The following TBC1D19 variants were observed in gnomAD, a reference collection of about 807,000 sequenced individuals.
TBC1D19 encodes TBC1 domain family member 19.
A neutral mutation model predicts 89.0 loss-of-function variants in TBC1D19; 60 were observed. That is an observed-to-expected ratio of 0.67 (90% CI 0.55 to 0.84). TBC1D19 has a LOEUF of 0.84. Among genes scored for constraint, TBC1D19 ranks in the 40% least tolerant of loss-of-function variants. The pLI is 0.00. For missense variants in TBC1D19, 500 were observed against 610.8 expected (o/e 0.82, Z 1.91); for synonymous variants, 189 against 199.7 (o/e 0.95, Z 0.45).
the TBC1D19 span, among the ~76,000 whole-genome samples, chr4:26,791,153 C>T: frequency 1.6e-4 from 25 of 152,182 alleles, no homozygotes; most frequent in Admixed American, 1.6e-3. Context: ...TCACCAGTCT[C>T]TTCCCTGCTC....
At chr4:26,850,269 C>T in the TBC1D19 span, among the ~76,000 whole-genome samples, 1 of 151,906 alleles carries the variant, frequency 6.6e-6, no homozygotes, top group Non-Finnish European at 1.5e-5. Flanking sequence ...GAAATTTGGG[C>T]CCGGCGCGGT....
At chr4:26,580,088 G>A (rs372919211), upstream of TBC1D19, among the ~76,000 whole-genome samples, 22 of 152,192 alleles carry the variant, frequency 1.4e-4, no homozygotes, top group African/African-American at 3.4e-4. Flanking sequence ...GAGTCAACAC[G>A]GTCCCTGAGA....
chr4:26,852,145 TCA>T, the TBC1D19 span, among the ~76,000 whole-genome samples: 1 of 152,254 alleles, frequency 6.6e-6, no homozygotes, highest in Non-Finnish European at 1.5e-5. Context: ...CTTGCTCTTC[TCA>T]CAGTCTTCCA....
intron 18 of TBC1D19, among the ~76,000 whole-genome samples, chr4:26,743,041 T>C (rs1227180837): frequency 6.6e-6 from 1 of 152,148 alleles, no homozygotes; most frequent in African/African-American, 2.4e-5. Flanking sequence ...ATCAGGTACC[T>C]ATCAATGGTT....
chr4:26,618,697 C>A (rs555221797), intron 3 of TBC1D19, among the ~76,000 whole-genome samples: 39 of 152,308 alleles, frequency 2.6e-4, no homozygotes, highest in African/African-American at 9.4e-4. Context: ...GCTGGAGTTA[C>A]AATTACTGGT....
the TBC1D19 span, among the ~76,000 whole-genome samples, chr4:26,828,571 C>T: frequency 2.2e-3 from 337 of 152,356 alleles, 1 homozygote; most frequent in African/African-American, 7.9e-3. Flanking sequence ...AATCTATGCA[C>T]GTCCAAGTAT....
At chr4:26,640,715 T>A (rs904124000) in intron 7 of TBC1D19, among the ~76,000 whole-genome samples, 2 of 152,152 alleles carry the variant, frequency 1.3e-5, no homozygotes, top group African/African-American at 4.8e-5. Flanking sequence ...ACACTGCGAT[T>A]TTCCAACAGT....
At chr4:26,644,456 A>T (rs1743774341) in intron 7 of TBC1D19, among the ~76,000 whole-genome samples, 1 of 152,214 alleles carries the variant, frequency 6.6e-6, no homozygotes, top group African/African-American at 2.4e-5. Flanking sequence ...ACAAACCCAC[A>T]GCCAGTATCA....
intron 7 of TBC1D19, among the ~76,000 whole-genome samples, chr4:26,642,900 C>T (rs1743646519): frequency 6.6e-6 from 1 of 152,094 alleles, no homozygotes; most frequent in African/African-American, 2.4e-5. Flanking sequence ...TATATTTGCA[C>T]CCAATATAGA....
At chr4:26,680,544 T>C (rs1713243536) in intron 11 of TBC1D19, among the ~76,000 whole-genome samples, 2 of 152,200 alleles carry the variant, frequency 1.3e-5, no homozygotes, top group African/African-American at 4.8e-5. Flanking sequence ...AATTCTGTGC[T>C]AGACTTAATT....
intron 7 of TBC1D19, among the ~76,000 whole-genome samples, chr4:26,653,698 C>T (rs1226706896): frequency 6.6e-6 from 1 of 152,064 alleles, no homozygotes; most frequent in Non-Finnish European, 1.5e-5. Context: ...ATTGCAACCC[C>T]TGCCTTTTTT....
the TBC1D19 span, among the ~76,000 whole-genome samples, chr4:26,836,835 G>T: frequency 2.6e-5 from 4 of 152,202 alleles, no homozygotes; most frequent in Non-Finnish European, 5.9e-5. Context: ...TTCAGCCCAA[G>T]GAATTTTAGC....
chr4:26,649,808 C>G (rs914737443), intron 7 of TBC1D19, among the ~76,000 whole-genome samples: 6 of 152,006 alleles, frequency 3.9e-5, no homozygotes, highest in Non-Finnish European at 8.8e-5. Flanking sequence ...GTGTGCTGCA[C>G]CCATTAACTC....
intron 1 of TBC1D19, among the ~76,000 whole-genome samples, chr4:26,608,624 T>C (rs891725989): frequency 6.6e-6 from 1 of 152,170 alleles, no homozygotes; most frequent in Non-Finnish European, 1.5e-5. Flanking sequence ...AATAACCAGT[T>C]TTTAAAAAAT....
chr4:26,716,983 C>T (rs1716666629), intron 13 of TBC1D19, among the ~76,000 whole-genome samples: 1 of 151,966 alleles, frequency 6.6e-6, no homozygotes, highest in Non-Finnish European at 1.5e-5. Flanking sequence ...TAACATGTAC[C>T]ACTTATGTAG....
At chr4:26,590,051 G>A (rs139583075) in intron 1 of TBC1D19, among the ~76,000 whole-genome samples, 2 of 152,286 alleles carry the variant, frequency 1.3e-5, no homozygotes, top group East Asian at 1.9e-4. Flanking sequence ...ATTCCAAACC[G>A]ACACACTAGC....
At chr4:26,576,978 C>A in intron 1 of TBC1D19, 2 of 402,160 alleles carry the variant, frequency 5.0e-6, no homozygotes, top group Non-Finnish European at 1.0e-5. Context: ...AAAACATTTA[C>A]AGTCAGTTGA....
At chr4:26,791,367 C>T in the TBC1D19 span, among the ~76,000 whole-genome samples, 1 of 152,148 alleles carries the variant, frequency 6.6e-6, no homozygotes, top group Admixed American at 6.5e-5. Flanking sequence ...ACAGAGCTGA[C>T]CTGTGAATGA....
the TBC1D19 span, among the ~76,000 whole-genome samples, chr4:26,786,141 C>A: frequency 6.6e-5 from 10 of 152,180 alleles, no homozygotes; most frequent in Non-Finnish European, 1.5e-4. Context: ...AAAGACCCTT[C>A]ATCTGCTGAC....
Sources: allele counts gnomAD v4.1 joint callset (sites outside exome capture counted in the v4.1 genomes callset), GRCh38; gene constraint gnomAD v4.1.1; transcripts MANE v1.5; gene names NCBI Gene and HGNC (gene_info 2026-07-23, HGNC 2026-07-21).